The following EIF4E2 variants were observed in gnomAD, a reference collection of about 807,000 sequenced individuals.
EIF4E2 encodes the protein eukaryotic translation initiation factor 4E type 2.
Under a neutral mutation model 34.2 loss-of-function variants are expected in EIF4E2, and 13 were observed. That is an observed-to-expected ratio of 0.38 (90% confidence interval 0.25 to 0.60). The LOEUF is 0.60. Ranked by LOEUF, EIF4E2 falls within the 20% of genes least tolerant of loss-of-function variation. The probability of loss-of-function intolerance (pLI) is 0.62; values close to 1 mark genes in which losing one functional copy is unlikely to be tolerated. For missense variants in EIF4E2, 222 were observed against 315.1 expected, an observed-to-expected ratio of 0.70 and a Z score of 2.24; for synonymous variants, 100 against 106.6, an observed-to-expected ratio of 0.94 and a Z score of 0.38.
chr2:232,556,478 G>A lies in EIF4E2; in HGVS notation c.83G>A (p.Gly28Asp), dbSNP rs1391957620. ...GAAGAAAACAGCACACAGAAAGATG[G>A]TGAGAAGGAAAAAACGGAACGAGAC... ...QNEENSTQKD[G>D]EKEKTERDKN... is the part of the protein sequence containing the mutation. The change falls in exon 2 of 7, where the codon GGT becomes GAT. Residue 28 changes from glycine (G) to aspartate (D), a missense_variant. Gly to Asp is a moderately conservative substitution (Grantham distance 94). Around this residue, in one of 3 missense-constraint regions of EIF4E2, gnomAD observed 87 missense variants for 93.6 expected, o/e 0.93. Coordinates refer to ENST00000258416, the MANE Select transcript of EIF4E2 (RefSeq NM_004846.4). The A allele has an allele frequency of 6.2e-7, 1 of 1,613,688 alleles. No homozygotes were observed. The highest frequency in any genetic ancestry group is 8.5e-7 in the Non-Finnish European group (1 of 1,179,934).
intron 3 of EIF4E2, among the ~76,000 whole-genome samples, chr2:232,563,431 A>G (rs1159598826): frequency 6.6e-6 from 1 of 151,890 alleles, no homozygotes; most frequent in Non-Finnish European, 1.5e-5. Context: ...CACTAATGAG[A>G]AAAACAGGAC....
At chr2:232,568,875 A>T (rs1693021110) in intron 6 of EIF4E2, 70 bp from the exon 7 acceptor site, 1 of 1,603,498 alleles carries the variant, frequency 6.2e-7, no homozygotes. Context: ...TTTGAGACCC[A>T]GATGCTACTT....
chr2:232,567,071 C>T lies in EIF4E2; in HGVS notation c.529-7C>T. 2 of 1,612,192 alleles carry T rather than the reference C, an allele frequency of 1.2e-6. No homozygotes were observed. Among genetic ancestry groups the T allele is most frequent in the Non-Finnish European group, 1.7e-6 (2 of 1,179,016 alleles). On this transcript the variant is annotated splice_polypyrimidine_tract_variant and splice_region_variant and intron_variant, in intron 5 of 6. Coordinates refer to ENST00000258416, the MANE Select transcript of EIF4E2 (RefSeq NM_004846.4). ...TGCTTTGATGATTCCTTCTGTTCCT[C>T]TGGTAGGAAGACATTATTTCAATAT...
At chr2:232,568,379 A>T in intron 6 of EIF4E2, 1 of 985,436 alleles carries the variant, frequency 1.0e-6, no homozygotes, top group South Asian at 4.7e-5. Context: ...CATCATAGTC[A>T]CGAACAGTTA....
rs1471013490 is a variant in EIF4E2, at chr2:232,553,972, CCA to C, written c.21-2443_21-2442del. The C allele has an allele frequency of 2.0e-5, 3 of 152,162 alleles. No homozygotes were observed. In the East Asian group the frequency reaches 5.8e-4, roughly 29 times the overall value. 9.4% of individuals were successfully genotyped at this position (152,162 alleles called of 1,614,324 possible). A position where few individuals can be genotyped will look rare whatever the true frequency, so the allele number is the denominator to read the frequency against. On this transcript the variant is annotated intron_variant, in intron 1 of 6. Coordinates refer to ENST00000258416, the MANE Select transcript of EIF4E2 (RefSeq NM_004846.4). ...AACCAAGATCTAAATGCAAGGGACC[CCA>C]GAGGCTATAGTGGGAGTTGGAAGCT...
chr2:232,551,278 A>G (rs1692309208), intron 1 of EIF4E2: 1 of 471,170 alleles, frequency 2.1e-6, no homozygotes, highest in Non-Finnish European at 4.4e-6. Context: ...TCTTCCTGAG[A>G]CTCTTCCTAC....
chr2:232,574,370 C>T, intron 6 of EIF4E2: 2 of 1,547,164 alleles, frequency 1.3e-6, no homozygotes, highest in African/African-American at 1.4e-5. Context: ...TCTCTGTAAC[C>T]CTGTGACATA....
At chr2:232,570,697 C>T (rs931660416), downstream of EIF4E2, among the ~76,000 whole-genome samples, 1 of 152,340 alleles carries the variant, frequency 6.6e-6, no homozygotes, top group Middle Eastern at 3.4e-3. Flanking sequence ...GTAATCCTAG[C>T]ACTTTGGGAG....
downstream of EIF4E2, chr2:232,569,252 T>C: frequency 7.3e-7 from 1 of 1,364,750 alleles, no homozygotes; most frequent in South Asian, 1.8e-5. Flanking sequence ...ATCAAAGATG[T>C]GGCCTTTCGG....
At chr2:232,569,573 G>A (rs770781189), downstream of EIF4E2, among the ~76,000 whole-genome samples, 48 of 152,140 alleles carry the variant, frequency 3.2e-4, no homozygotes, top group Admixed American at 6.5e-5. Flanking sequence ...ACTTCCATTC[G>A]CCTTTACTTC....
intron 4 of EIF4E2, among the ~76,000 whole-genome samples, chr2:232,565,507 G>T (rs1264403561): frequency 1.3e-5 from 2 of 151,934 alleles, no homozygotes; most frequent in African/African-American, 4.8e-5. Context: ...GGTGGCACGC[G>T]CCTGTAATCC....
chr2:232,568,864 C>T, intron 6 of EIF4E2, 81 bp from the exon 7 acceptor site: 1 of 1,591,386 alleles, frequency 6.3e-7, no homozygotes, highest in Non-Finnish European at 8.6e-7. Context: ...GACCAACCCT[C>T]TTTGAGACCC....
chr2:232,572,355 T>G (rs1454139005), downstream of EIF4E2, among the ~76,000 whole-genome samples: 4 of 152,090 alleles, frequency 2.6e-5, no homozygotes. Flanking sequence ...AGAAATTTCT[T>G]TTTTTGTTTT....
Position 232,557,915 on chromosome 2 carries a change from T to C in EIF4E2, c.167T>C (p.Leu56Pro). The change falls in exon 3 of 7, where the codon CTG becomes CCG. Residue 56 changes from leucine (L) to proline (P), a missense_variant. Leu to Pro is a moderately conservative substitution (Grantham distance 98). Coordinates refer to ENST00000258416, the MANE Select transcript of EIF4E2 (RefSeq NM_004846.4). ...AVVPGPAEHP[L>P]QYNYTFWYSR... ...GTCCCTGGACCGGCAGAGCATCCCC[T>C]GCAGTACAACTACACTTTTTGGTAC... 6.2e-7 allele frequency: 1 copy of C among 1,613,962 alleles called. No individual in the cohort carries two copies. The highest frequency in any genetic ancestry group is 8.5e-7 in the Non-Finnish European group (1 of 1,179,970).
Position 232,566,785 on chromosome 2 carries a change from T to A in EIF4E2, c.376-44T>A, listed in dbSNP as rs1465878934. On this transcript the variant is annotated intron_variant, in intron 4 of 6. Coordinates refer to ENST00000258416, the MANE Select transcript of EIF4E2 (RefSeq NM_004846.4). The surrounding 1 kb of genome is among the most constrained non-coding windows in gnomAD (Gnocchi z 4.9). ...TTACTGCCTTCATACAAAAAAAGGC[T>A]GTGAAACCATATTTTAACTTCAGTG... 1.2e-6 allele frequency: 2 copies of A among 1,610,848 alleles called. No homozygotes were observed. Among genetic ancestry groups the A allele is most frequent in the South Asian group, 2.2e-5 (2 of 90,412 alleles).
chr2:232,569,311 C>T, downstream of EIF4E2: 4 of 1,142,268 alleles, frequency 3.5e-6, no homozygotes, highest in Non-Finnish European at 3.3e-6. Flanking sequence ...CCATGGAGGG[C>T]CATCCGGGGA....
intron 3 of EIF4E2, among the ~76,000 whole-genome samples, chr2:232,562,393 T>C (rs1692755625): frequency 6.6e-6 from 1 of 152,154 alleles, no homozygotes; most frequent in African/African-American, 2.4e-5. Flanking sequence ...CCAGCCTGGC[T>C]AACATGGTGA....
At chr2:232,580,217 C>G (rs1693317575) in intron 6 of EIF4E2, among the ~76,000 whole-genome samples, 1 of 152,044 alleles carries the variant, frequency 6.6e-6, no homozygotes, top group Non-Finnish European at 1.5e-5. Context: ...CTTCTGTAAG[C>G]AGCTCTAAGT....
intron 3 of EIF4E2, among the ~76,000 whole-genome samples, chr2:232,559,366 A>G (rs1277288099): frequency 2.0e-5 from 3 of 151,752 alleles, no homozygotes; most frequent in Admixed American, 6.6e-5. Context: ...AAAGTGTCTC[A>G]TCTGTTCAGT....
Sources: gnomAD v4.1 joint callset for allele counts (sites outside exome capture counted in the v4.1 genomes callset) on GRCh38, gnomAD v4.1.1 for gene constraint, gnomAD v4.1.1 regional missense constraint, Gnocchi (gnomAD v3.1) non-coding constraint, MANE v1.5 for transcripts, NCBI Gene and HGNC (gene_info 2026-07-23, HGNC 2026-07-21) for gene names.